Variants in NECAB1 observed in about 807,000 individuals in gnomAD.
NECAB1 encodes the protein N-terminal EF-hand calcium binding protein 1.
A neutral mutation model predicts 57.5 loss-of-function variants in NECAB1; 29 were observed. That is an observed-to-expected ratio of 0.50 (90% CI 0.38 to 0.69). The LOEUF is 0.69. NECAB1 is among the 30% of genes least tolerant of loss of function. The probability of loss-of-function intolerance (pLI) is 0.00; values close to 1 mark genes in which losing one functional copy is unlikely to be tolerated. For synonymous variants in NECAB1, 142 were observed against 147.7 expected (o/e 0.96, Z 0.28); for missense variants, 372 against 413.8 (o/e 0.90, Z 0.88).
intron 3 of NECAB1, among the ~76,000 whole-genome samples, chr8:90,860,370 A>C (rs555566814): frequency 2.6e-5 from 4 of 151,750 alleles, no homozygotes; most frequent in East Asian, 3.9e-4. Context: ...AGAAGTATTT[A>C]TAGAGCTCTA....
At chr8:90,847,580 GT>G (rs1812592791) in intron 3 of NECAB1, among the ~76,000 whole-genome samples, 1 of 152,256 alleles carries the variant, frequency 6.6e-6, no homozygotes, top group Non-Finnish European at 1.5e-5. Context: ...CCTAGCAGAA[GT>G]TCTCTATGAG....
intron 2 of NECAB1, among the ~76,000 whole-genome samples, chr8:90,805,457 T>C (rs1273305306): frequency 1.3e-5 from 2 of 151,254 alleles, no homozygotes; most frequent in African/African-American, 4.8e-5. Flanking sequence ...GTGGGAGGGA[T>C]ACACATTAAC....
At chr8:90,893,535 G>T (rs866138567) in intron 5 of NECAB1, among the ~76,000 whole-genome samples, 10 of 152,108 alleles carry the variant, frequency 6.6e-5, no homozygotes, top group Admixed American at 2.0e-4. Context: ...AGCCCAGATG[G>T]GTGTCCCTTC....
intron 11 of NECAB1, 25 bp from the exon 12 acceptor site, chr8:90,951,088 C>T (rs1301600891): frequency 4.3e-6 from 6 of 1,406,898 alleles, no homozygotes; most frequent in Non-Finnish European, 6.0e-6. Flanking sequence ...AAATGCACAG[C>T]CTTAACCTAT....
chr8:90,839,671 C>A (rs1812424831), intron 3 of NECAB1, among the ~76,000 whole-genome samples: 1 of 152,066 alleles, frequency 6.6e-6, no homozygotes, highest in Admixed American at 6.5e-5. Flanking sequence ...CATATGGAAG[C>A]CTGTAGACGA....
At chr8:90,912,715 T>C (rs1158343862) in intron 5 of NECAB1, among the ~76,000 whole-genome samples, 1 of 152,052 alleles carries the variant, frequency 6.6e-6, no homozygotes, top group Non-Finnish European at 1.5e-5. Context: ...TTTGATATAG[T>C]GGTCTCCCAG....
At position 90,843,238 on chromosome 8, in the gene NECAB1, C is replaced by T. The variant is rs1471585648; in HGVS notation, c.233+18413C>T. On this transcript the variant is annotated intron_variant, in intron 3 of 12. Transcript: ENST00000417640. ...CTCCCACTGGATCCCTCCCATAGCA[C>T]ATGGGGATTATGGGAGCTACAATTC... 2.0e-5 allele frequency among the ~76,000 whole-genome samples: 3 copies of T among 152,182 alleles called. No individual in the cohort carries two copies. In the East Asian group the frequency reaches 5.8e-4, roughly 29 times the overall value.
At chr8:90,873,505 A>T (rs1808657900) in intron 4 of NECAB1, among the ~76,000 whole-genome samples, 1 of 152,250 alleles carries the variant, frequency 6.6e-6, no homozygotes, top group Non-Finnish European at 1.5e-5. Context: ...GTGAAGTGAA[A>T]AGATAAAATG....
intron 5 of NECAB1, 146 bp downstream of exon 5, chr8:90,881,276 T>C (rs777251633): frequency 4.6e-5 from 29 of 625,504 alleles, no homozygotes; most frequent in Non-Finnish European, 7.3e-5. Flanking sequence ...ATGTTATTCA[T>C]TTGTAACATA....
At chr8:90,883,479 T>C (rs2129891395) in intron 5 of NECAB1, among the ~76,000 whole-genome samples, 1 of 152,336 alleles carries the variant, frequency 6.6e-6, no homozygotes, top group East Asian at 1.9e-4. Context: ...GATCTGATTG[T>C]TCTAGGGTTT....
At chr8:90,808,960 T>G (rs1267782884) in intron 2 of NECAB1, among the ~76,000 whole-genome samples, 1 of 152,144 alleles carries the variant, frequency 6.6e-6, no homozygotes, top group Non-Finnish European at 1.5e-5. Flanking sequence ...ATCCTAATTC[T>G]TATTCTTATT....
chr8:90,946,482 A>G (rs984105711), intron 10 of NECAB1, among the ~76,000 whole-genome samples: 1 of 152,240 alleles, frequency 6.6e-6, no homozygotes, highest in Admixed American at 6.5e-5. Flanking sequence ...TCCGGTATCA[A>G]ATAGGAATGC....
intron 6 of NECAB1, among the ~76,000 whole-genome samples, chr8:90,920,934 TGAG>T (rs1317497939): frequency 6.6e-6 from 1 of 152,208 alleles, no homozygotes; most frequent in Non-Finnish European, 1.5e-5. Context: ...CCCAGAACAC[TGAG>T]GAGACCAATC....
rs1244610652 is a variant in NECAB1, at chr8:90,890,985, C to T, written c.357+9855C>T. On this transcript the variant is annotated intron_variant, in intron 5 of 12. Coordinates refer to ENST00000417640, the MANE Select transcript of NECAB1 (RefSeq NM_022351.5). The stretch of plus-strand genomic sequence containing the variant: ...TTGTCCAGTAAATCTGGAAAGTTAT[C>T]ATGGAGTAAACAGTATTGAAGATAA... Among the ~76,000 whole-genome samples the T allele has an allele frequency of 2.6e-5, 4 of 152,134 alleles. No homozygotes were observed. In the South Asian group the frequency reaches 6.2e-4, roughly 24 times the overall value.
intron 5 of NECAB1, among the ~76,000 whole-genome samples, chr8:90,882,667 A>G (rs947881480): frequency 4.6e-5 from 7 of 152,214 alleles, no homozygotes; most frequent in Non-Finnish European, 7.3e-5. Flanking sequence ...AGAAAAGGTC[A>G]TCTCAATTAG....
At chr8:90,952,544 TGA>T (rs1232660078) in intron 12 of NECAB1, among the ~76,000 whole-genome samples, 4 of 152,096 alleles carry the variant, frequency 2.6e-5, no homozygotes. Context: ...TTTGGGAGGC[TGA>T]GGTGGGCGGA....
intron 2 of NECAB1, chr8:90,812,800 A>G (rs1811983320): frequency 6.6e-6 from 1 of 152,128 alleles, no homozygotes; most frequent in Admixed American, 6.5e-5. Context: ...CCCTCCTGAA[A>G]AGACAAATAA....
intron 3 of NECAB1, among the ~76,000 whole-genome samples, chr8:90,863,038 G>A (rs1367353707): frequency 8.6e-5 from 13 of 152,014 alleles, no homozygotes; most frequent in Non-Finnish European, 8.8e-5. Context: ...CAGAAAAATC[G>A]ATTGTCCCCC....
intron 3 of NECAB1, among the ~76,000 whole-genome samples, chr8:90,835,046 T>G (rs1158359319): frequency 6.6e-6 from 1 of 152,068 alleles, no homozygotes; most frequent in Admixed American, 6.6e-5. Context: ...AAAATTTCTA[T>G]TCTGCATTCT....
Sources: allele counts gnomAD v4.1 joint callset (sites outside exome capture counted in the v4.1 genomes callset), GRCh38; gene constraint gnomAD v4.1.1; transcripts MANE v1.5; gene names NCBI Gene and HGNC (gene_info 2026-07-23, HGNC 2026-07-21).